The following LAMA1 variants were observed in gnomAD, a reference collection of about 807,000 sequenced individuals.
The protein encoded by LAMA1 is laminin subunit alpha-1.
Under a neutral mutation model 348.7 loss-of-function variants are expected in LAMA1, and 219 were observed. The ratio of observed to expected loss-of-function variants is 0.63; its 90% CI spans 0.56 to 0.70. The LOEUF (loss-of-function observed/expected upper bound fraction) is 0.70, where lower values mean the gene tolerates loss of function less well. LAMA1 is among the 30% of genes least tolerant of loss of function. LAMA1 has a pLI of 0.00. For missense variants in LAMA1, 3,744 were observed against 3,888.0 expected (o/e 0.96, Z 0.99); for synonymous variants, 1,487 against 1,491.0 (o/e 1.00, Z 0.06).
intron 2 of LAMA1, 24 bp from the exon 3 acceptor site, chr18:7,080,111 T>C: frequency 6.3e-7 from 1 of 1,590,790 alleles, no homozygotes; most frequent in Middle Eastern, 1.8e-4. Flanking sequence ...ATAAAAAACA[T>C]GAATTCCTCT....
Position 7,087,056 on chromosome 18 carries a change from T to C in LAMA1, c.62-6599A>G, listed in dbSNP as rs115950701. ...AGCAAATAGAAATAGAGAGAAAAAT[T>C]ATTATTCTTTGCTTCTTTGTGCGTC... is the stretch of plus-strand genomic sequence containing the variant. On this transcript the variant is annotated intron_variant, in intron 1 of 62. Transcript: ENST00000389658. 6.5e-3 allele frequency among the ~76,000 whole-genome samples: 995 copies of C among 152,278 alleles called. 7 individuals carry two copies. The highest frequency in any genetic ancestry group is 0.022 in the African/African-American group (901 of 41,548).
chr18:7,035,233 G>C (rs368625377), intron 13 of LAMA1, among the ~76,000 whole-genome samples: 130 of 152,206 alleles, frequency 8.5e-4, no homozygotes, highest in Middle Eastern at 3.4e-3. Context: ...GACTGAGCTG[G>C]ATCTTTTTAT....
intron 62 of LAMA1, among the ~76,000 whole-genome samples, chr18:6,942,568 C>G (rs1479321701): frequency 6.6e-6 from 1 of 151,978 alleles, no homozygotes; most frequent in South Asian, 2.1e-4. Context: ...CACCCGTCAC[C>G]ACGTCCAGCT....
At chr18:7,056,415 G>A (rs750961674) in intron 3 of LAMA1, among the ~76,000 whole-genome samples, 1 of 152,182 alleles carries the variant, frequency 6.6e-6, no homozygotes, top group African/African-American at 2.4e-5. Flanking sequence ...AGTTTACCAC[G>A]TGCGTGTTAA....
chr18:6,951,600 G>C (rs1048056987), intron 57 of LAMA1, among the ~76,000 whole-genome samples: 2 of 152,198 alleles, frequency 1.3e-5, no homozygotes, highest in Non-Finnish European at 2.9e-5. Flanking sequence ...CTTTGAAAGG[G>C]GGAGTGGCCG....
chr18:6,953,079 T>C (rs1035570453), intron 57 of LAMA1, among the ~76,000 whole-genome samples: 3 of 149,018 alleles, frequency 2.0e-5, no homozygotes, highest in Non-Finnish European at 3.0e-5. Flanking sequence ...ATGGGAGCCA[T>C]GTCTGCCTGT....
chr18:7,025,280 C>T (rs1406434065), intron 17 of LAMA1, among the ~76,000 whole-genome samples: 1 of 152,204 alleles, frequency 6.6e-6, no homozygotes, highest in Admixed American at 6.5e-5. Context: ...GTTCCTGCTG[C>T]CATGCCATGG....
intron 1 of LAMA1, among the ~76,000 whole-genome samples, chr18:7,087,414 T>C (rs1394120928): frequency 6.6e-6 from 1 of 152,188 alleles, no homozygotes; most frequent in Non-Finnish European, 1.5e-5. Context: ...CTCCACGCCA[T>C]CTTGGCTCAG....
In LAMA1 at chr18:7,026,000, G is replaced by C; in HGVS notation, c.2381C>G (p.Pro794Arg). ...TPGDCQPCAC[P>R]LTIASNNFSP... ...TTACTTGTTGGAGGCTATGGTGAGA[G>C]GGCAGGCGCAGGGCTGGCAGTCCCC... Residue 794 changes from proline to arginine, a missense_variant, in exon 17 of 63, where the codon CCT becomes CGT. By Grantham distance (103) the Pro-to-Arg change is moderately radical. This residue lies in a region of LAMA1 where 1,529 missense variants were observed against 1,689.4 expected (regional missense o/e 0.91). Transcript: ENST00000389658. 1.9e-6 allele frequency: 3 copies of C among 1,608,946 alleles called. No homozygotes were observed. Among genetic ancestry groups the C allele is most frequent in the Non-Finnish European group, 2.5e-6 (3 of 1,177,752 alleles).
chr18:7,001,164 C>T (rs1262463305), intron 30 of LAMA1, among the ~76,000 whole-genome samples: 2 of 152,176 alleles, frequency 1.3e-5, no homozygotes, highest in African/African-American at 2.4e-5. Context: ...TGGCATCACA[C>T]TCCATATTCA....
Position 7,002,382 on chromosome 18 carries a change from A to T in LAMA1, c.4264T>A (p.Cys1422Ser). The change falls in exon 30 of 63, where the codon TGT (cysteine) becomes AGT (serine). Residue 1422 changes from cysteine (C) to serine (S), a missense_variant. Cys to Ser is a moderately radical substitution (Grantham distance 112). Coordinates refer to ENST00000389658, the MANE Select transcript of LAMA1 (RefSeq NM_005559.4). ...TGGTCACCTGCTGTGTTATCGCCAC[A>T]GTTCTGGGAGCCCACATTTAAAGGA... ...CDPNTGKCLNCGDNTAGDHCD... is the reference protein window; with the variant it reads ...CDPNTGKCLNSGDNTAGDHCD... The T allele has an allele frequency of 6.2e-7, 1 of 1,613,364 alleles. No individual in the cohort carries two copies. The highest frequency in any genetic ancestry group is 1.1e-5 in the South Asian group (1 of 91,072).
chr18:7,088,313 T>A (rs2058225806), intron 1 of LAMA1, among the ~76,000 whole-genome samples: 1 of 152,154 alleles, frequency 6.6e-6, no homozygotes, highest in Admixed American at 6.5e-5. Context: ...ACTGAGTACT[T>A]ATGCCCCTGT....
chr18:7,044,825 T>C lies in LAMA1; in HGVS notation c.873A>G (p.Gln291=), dbSNP rs770977651. 2 of 1,613,522 alleles carry C rather than the reference T, an allele frequency of 1.2e-6. No homozygotes were observed. Among genetic ancestry groups the C allele is most frequent in the East Asian group, 2.2e-5 (1 of 44,864 alleles). Reference sequence around the variant, plus strand: ...TCTCCCCGCAAGTATTATGCTCACATTGACACTGCAGTTTCTACACAATAA... The same window carrying C: ...TCTCCCCGCAAGTATTATGCTCACACTGACACTGCAGTTTCTACACAATAA... ...WDETTKKLQC[Q]CEHNTCGESC... is the part of the protein sequence containing the mutation. Residue 291 remains glutamine, a synonymous_variant, in exon 7 of 63, where the codon CAA becomes CAG. Transcript: ENST00000389658.
chr18:7,032,877 G>C, intron 15 of LAMA1, 107 bp downstream of exon 15: 1 of 819,954 alleles, frequency 1.2e-6, no homozygotes, highest in Non-Finnish European at 2.1e-6. Flanking sequence ...CCAAACATTG[G>C]GCTGCTAAAG....
chr18:7,031,964 G>A (rs1327037494), intron 16 of LAMA1, 102 bp downstream of exon 16: 7 of 837,216 alleles, frequency 8.4e-6, no homozygotes, highest in African/African-American at 1.8e-5. Flanking sequence ...ATGAGGCTAG[G>A]GTTATTCCGT....
At position 6,949,216 on chromosome 18, in the gene LAMA1, T is replaced by G. The variant is rs762656731; in HGVS notation, c.8441A>C (p.Asp2814Ala). Residue 2814 changes from aspartate to alanine, a missense_variant, in exon 59 of 63, where the codon GAC becomes GCC. Transcript: ENST00000389658. ...AGTCACCATGGGAGACTCTCGGCCG[T>G]CGACAGTTATGAAGCCTTTTCTTTT... ...YVKRKGFITV[D>A]GRESPMVTVV... The G allele has an allele frequency of 3.7e-6, 6 of 1,614,186 alleles. No homozygotes were observed. The Admixed American group carries it at 1.0e-4, about 27-fold the overall frequency.
chr18:7,011,566 A>T, intron 24 of LAMA1, 87 bp from the exon 25 acceptor site: 4 of 1,192,604 alleles, frequency 3.4e-6, no homozygotes, highest in Non-Finnish European at 4.9e-6. Context: ...ATTGTTTCAC[A>T]GATGAAACAG....
At position 7,046,365 on chromosome 18, in the gene LAMA1, A is replaced by C. The variant is rs1305805928; in HGVS notation, c.771T>G (p.Tyr257Ter). ...KELDPIVTRR[Y>*]YYSIKDISVG... ...CAGAAATGTCCTTTATTGAATAATA[A>C]TACTAAGGAAAAAGAAAGTTATGAA... is the stretch of plus-strand genomic sequence containing the variant. The change falls in exon 6 of 63, where the codon TAT (tyrosine) becomes TAG (stop). Residue 257 changes from tyrosine to a stop codon, truncating the protein, a stop_gained and splice_region_variant. Coordinates refer to ENST00000389658, the MANE Select transcript of LAMA1 (RefSeq NM_005559.4). LOFTEE classifies it high-confidence loss of function. The C allele has an allele frequency of 6.3e-7, 1 of 1,581,620 alleles. No homozygotes were observed. The highest frequency in any genetic ancestry group is 8.7e-7 in the Non-Finnish European group (1 of 1,154,090).
intron 44 of LAMA1, 45 bp from the exon 45 acceptor site, chr18:6,976,125 A>G: frequency 6.2e-7 from 1 of 1,605,038 alleles, no homozygotes; most frequent in African/African-American, 1.3e-5. Context: ...AGTGACACAC[A>G]CCGGCAGCTC....
Sources: gnomAD v4.1 joint callset for allele counts (sites outside exome capture counted in the v4.1 genomes callset) on GRCh38, gnomAD v4.1.1 for gene constraint, gnomAD v4.1.1 regional missense constraint, MANE v1.5 for transcripts, NCBI Gene and HGNC (gene_info 2026-07-23, HGNC 2026-07-21) for gene names.